Variants in KIF11 observed in about 807,000 individuals in gnomAD.
KIF11 encodes kinesin family member 11.
Under a neutral mutation model 121.0 loss-of-function variants are expected in KIF11, and 9 were observed. The ratio of observed to expected loss-of-function variants is 0.07; its 90% CI spans 0.04 to 0.13. KIF11 has a LOEUF of 0.13. Among genes scored for constraint, KIF11 ranks in the 10% least tolerant of loss-of-function variants. KIF11 has a pLI of 1.00. For missense variants in KIF11, 846 were observed against 1,217.5 expected (o/e 0.69, Z 4.54); for synonymous variants, 408 against 421.0 (o/e 0.97, Z 0.38).
intron 5 of KIF11, 21 bp downstream of exon 5, chr10:92,609,226 G>A: frequency 6.5e-7 from 1 of 1,534,072 alleles, no homozygotes; most frequent in Non-Finnish European, 8.8e-7. Flanking sequence ...CTTTGAGAAT[G>A]AAATGTCTCT....
rs555984049 is a variant in KIF11, at chr10:92,602,489, G to C, written c.78-3776G>C. On this transcript the variant is annotated intron_variant, in intron 1 of 21. Coordinates refer to ENST00000260731, the MANE Select transcript of KIF11 (RefSeq NM_004523.4). ...TCCATTTCTTTGTGATTTAGTCTTT[G>C]TAAGTATTGTGTTTCTAGGAATTTG... is the stretch of plus-strand genomic sequence containing the variant. 1.1e-4 allele frequency among the ~76,000 whole-genome samples: 16 copies of C among 152,114 alleles called. No individual in the cohort carries two copies. The East Asian group carries it at 2.9e-3, about 28-fold the overall frequency.
chr10:92,637,103 GT>G, intron 14 of KIF11, 80 bp from the exon 15 acceptor site: 1 of 926,526 alleles, frequency 1.1e-6, no homozygotes, highest in Non-Finnish European at 1.6e-6. Context: ...AGCTACCAAA[GT>G]ATTTAAGATA....
At position 92,637,473 on chromosome 10, in the gene KIF11, C is replaced by G; in HGVS notation, c.2088C>G (p.Ser696=). The part of the protein sequence containing the change: ...LHELQENTIC[S]LVESQKQCGN... ...AACTACAAGAAAATACCATTTGTTC[C>G]TTGGTTGAGTCACAAAAGCAATGTG... Residue 696 remains serine, a synonymous_variant, in exon 16 of 22, where the codon TCC becomes TCG. Coordinates refer to ENST00000260731, the MANE Select transcript of KIF11 (RefSeq NM_004523.4). The G allele has an allele frequency of 6.2e-7, 1 of 1,608,082 alleles. No homozygotes were observed. Among genetic ancestry groups the G allele is most frequent in the Non-Finnish European group, 8.5e-7 (1 of 1,178,680 alleles).
intron 14 of KIF11, among the ~76,000 whole-genome samples, chr10:92,634,159 A>G (rs1844769832): frequency 6.6e-6 from 1 of 151,140 alleles, no homozygotes; most frequent in South Asian, 2.1e-4. Flanking sequence ...AATTTTTTGT[A>G]TTTTTAGTAG....
chr10:92,596,104 C>T (rs767789732), intron 1 of KIF11, among the ~76,000 whole-genome samples: 3 of 152,080 alleles, frequency 2.0e-5, no homozygotes, highest in East Asian at 1.9e-4. Flanking sequence ...CCCGGGTTCA[C>T]GCCATTCTCC....
intron 1 of KIF11, 52 bp downstream of exon 1, chr10:92,593,504 C>T (rs1447263799): frequency 2.7e-6 from 4 of 1,505,686 alleles, no homozygotes; most frequent in Non-Finnish European, 3.6e-6. Flanking sequence ...CTGCTGGGCC[C>T]CCTACTGCGC....
chr10:92,638,717 A>G (rs1361933884), intron 16 of KIF11, among the ~76,000 whole-genome samples: 1 of 152,236 alleles, frequency 6.6e-6, no homozygotes, highest in Non-Finnish European at 1.5e-5. Context: ...AAAACTTTGA[A>G]CACATTTACA....
chr10:92,598,559 T>G (rs1844328733), intron 1 of KIF11, among the ~76,000 whole-genome samples: 1 of 152,208 alleles, frequency 6.6e-6, no homozygotes. Context: ...TTCAAGATTG[T>G]TTTGGCTATC....
chr10:92,630,328 A>G lies in KIF11; in HGVS notation c.1458A>G (p.Glu486=). 1 of 1,601,114 alleles carries G rather than the reference A, an allele frequency of 6.2e-7. No individual in the cohort carries two copies. The highest frequency in any genetic ancestry group is 8.5e-7 in the Non-Finnish European group (1 of 1,175,780). Residue 486 remains glutamate, a synonymous_variant, in exon 12 of 22, where the codon GAA becomes GAG. Coordinates refer to ENST00000260731, the MANE Select transcript of KIF11 (RefSeq NM_004523.4). ...AAGAATATATCACATCAGCTTTGGA[A>G]AGTACTGAGGAGAAACTTCATGATG... ...VKEEYITSAL[E]STEEKLHDAA...
intron 6 of KIF11, among the ~76,000 whole-genome samples, chr10:92,610,187 G>A (rs931965587): frequency 6.6e-6 from 1 of 152,124 alleles, no homozygotes; most frequent in Non-Finnish European, 1.5e-5. Context: ...AGGCACTTTT[G>A]TGGAGCCCCC....
chr10:92,637,119 T>C (rs748285665), intron 14 of KIF11, 65 bp from the exon 15 acceptor site: 46 of 1,258,038 alleles, frequency 3.7e-5, no homozygotes, highest in Non-Finnish European at 4.9e-5. Context: ...AAGATATCAT[T>C]TAGAAAGGTT....
chr10:92,650,375 G>T (rs1160143371), intron 20 of KIF11, 26 bp from the exon 21 acceptor site: 2 of 1,341,578 alleles, frequency 1.5e-6, no homozygotes, highest in Non-Finnish European at 2.1e-6. Context: ...CTTGGACTTA[G>T]TCACTCATCC....
rs928155886 is a variant in KIF11 at position 92,633,630 on chromosome 10, G to T, written c.1710G>T (p.Leu570=). ...TGTTTTTGTTTGTTATAGGTAATCT[G>T]CTGTCTTCCAGTGTCTCTGCATTAG... The part of the protein sequence containing the change: ...LEVHKTLFGN[L]LSSSVSALDT... Residue 570 remains leucine, a synonymous_variant, in exon 14 of 22, where the codon CTG becomes CTT. Transcript: ENST00000260731. 6.2e-7 allele frequency: 1 copy of T among 1,600,390 alleles called. No homozygotes were observed. Among genetic ancestry groups the T allele is most frequent in the Non-Finnish European group, 8.5e-7 (1 of 1,170,836 alleles).
At chr10:92,601,692 G>A (rs1844374552) in intron 1 of KIF11, among the ~76,000 whole-genome samples, 1 of 149,892 alleles carries the variant, frequency 6.7e-6, no homozygotes, top group African/African-American at 2.5e-5. Context: ...ACTACACCCA[G>A]CTAATTAAAA....
intron 11 of KIF11, 139 bp from the exon 12 acceptor site, chr10:92,630,036 AG>A (rs1232288939): frequency 3.6e-6 from 2 of 549,600 alleles, no homozygotes; most frequent in Admixed American, 7.4e-5. Flanking sequence ...AGAAAGAAAC[AG>A]GATGACATAT....
Position 92,650,515 on chromosome 10 carries a change from C to T in KIF11, c.3037C>T (p.Gln1013Ter). 2 of 1,536,172 alleles carry T rather than the reference C, an allele frequency of 1.3e-6. No homozygotes were observed. Among genetic ancestry groups the T allele is most frequent in the Non-Finnish European group, 1.8e-6 (2 of 1,109,050 alleles). ...ATCAATTGGCGGGGTTCCATTTTTC[C>T]AGGTATGTCATATCAGATAACCCTT... ...CSSIGGVPFFQHKKSHGKDKE... is the reference protein window; with the variant it reads ...CSSIGGVPFF The change falls in exon 21 of 22, where the codon CAG becomes TAG. Residue 1013 changes from glutamine (Q) to a stop codon, truncating the protein, a stop_gained and splice_region_variant. Transcript: ENST00000260731. LOFTEE classifies it high-confidence loss of function.
intron 9 of KIF11, among the ~76,000 whole-genome samples, chr10:92,619,228 G>A (rs1844593655): frequency 6.6e-6 from 1 of 152,104 alleles, no homozygotes; most frequent in African/African-American, 2.4e-5. Flanking sequence ...ATGTTCGCCA[G>A]GCTGGGTCTC....
chr10:92,637,560 G>A lies in KIF11; in HGVS notation c.2160+15G>A, dbSNP rs751829354. On this transcript the variant is annotated intron_variant, in intron 16 of 21. Transcript: ENST00000260731. ...CCCATTCCCAGGTATGTTGTTTAGC[G>A]GACTTGGGGAGTACAGAAAGAGAGT... is the stretch of plus-strand genomic sequence containing the variant. 1.1e-5 allele frequency: 18 copies of A among 1,591,820 alleles called. No homozygotes were observed. Among genetic ancestry groups the A allele is most frequent in the Admixed American group, 7.8e-5 (4 of 51,554 alleles).
intron 19 of KIF11, 57 bp from the exon 20 acceptor site, chr10:92,649,778 T>A (rs527860629): frequency 1.1e-4 from 142 of 1,249,460 alleles, no homozygotes; most frequent in South Asian, 5.1e-4. Context: ...TAGGTTTTTT[T>A]AAAAATATTT....
Sources: allele counts gnomAD v4.1 joint callset (sites outside exome capture counted in the v4.1 genomes callset), GRCh38; gene constraint gnomAD v4.1.1; transcripts MANE v1.5; gene names NCBI Gene and HGNC (gene_info 2026-07-23, HGNC 2026-07-21).